WDR17: variants seen among roughly 807,000 people sequenced by gnomAD.
The protein encoded by WDR17 is WD repeat-containing protein 17.
In WDR17, 143 loss-of-function variants were observed where a neutral mutation model predicts 161.7. That is an observed-to-expected ratio of 0.88 (90% confidence interval 0.77 to 1.02). WDR17 has a LOEUF of 1.02. WDR17 is among the 50% of genes least tolerant of loss of function. The pLI, the probability that WDR17 is intolerant of heterozygous loss-of-function variation, is 0.00. For missense variants in WDR17, 1,469 were observed against 1,520.9 expected, an observed-to-expected ratio of 0.97 and a Z score of 0.57; for synonymous variants, 517 against 515.6, an observed-to-expected ratio of 1.00 and a Z score of -0.04.
At position 176,174,714 on chromosome 4, in the gene WDR17, A is replaced by G. The variant is rs1751206382; in HGVS notation, c.3445A>G (p.Thr1149Ala). 1 of 1,598,616 alleles carries G rather than the reference A, an allele frequency of 6.3e-7. No individual in the cohort carries two copies. Among genetic ancestry groups the G allele is most frequent in the Non-Finnish European group, 8.5e-7 (1 of 1,170,502 alleles). The change falls in exon 26 of 29, where the codon ACA (threonine) becomes GCA (alanine). Residue 1149 changes from threonine to alanine, a missense_variant. Transcript: ENST00000508596. ...CATTGTTCCAGCACTTTATGAGTAC[A>G]CAAGGTAAAAAAGGTTTTTTCCTCC... ...QSIVPALYEY[T>A]SQLLKRREVS...
At position 176,179,484 on chromosome 4, in the gene WDR17, G is replaced by A. The variant is rs146320284; in HGVS notation, c.3757G>A (p.Gly1253Arg). The change falls in exon 29 of 29, where the codon GGG becomes AGG. Residue 1253 changes from glycine (G) to arginine (R), a missense_variant. By Grantham distance (125) the Gly-to-Arg change is moderately radical. Coordinates refer to ENST00000508596, the MANE Select transcript of WDR17 (RefSeq NM_181265.4). ...GGGCCCTGTGTTTTTCCTTGAAGAC[G>A]GGAAATCTGCTATCTCCTTGAATGA... ...IQGPVFFLED[G>R]KSAISLNDAL... 100 of 1,599,314 alleles carry A rather than the reference G, an allele frequency of 6.3e-5. No homozygotes were observed. The highest frequency in any genetic ancestry group is 2.6e-4 in the South Asian group (23 of 88,804).
intron 1 of WDR17, among the ~76,000 whole-genome samples, chr4:176,067,058 C>T (rs1732622966): frequency 6.6e-6 from 1 of 152,018 alleles, no homozygotes; most frequent in African/African-American, 2.4e-5. Flanking sequence ...TTATCATTAC[C>T]CTGCTTGCCA....
At chr4:176,074,407 A>G (rs1001813708) in intron 1 of WDR17, among the ~76,000 whole-genome samples, 1 of 151,566 alleles carries the variant, frequency 6.6e-6, no homozygotes, top group Non-Finnish European at 1.5e-5. Context: ...GATATATACT[A>G]CACATATACA....
intron 1 of WDR17, among the ~76,000 whole-genome samples, chr4:176,069,795 C>G (rs991801185): frequency 6.6e-6 from 1 of 152,028 alleles, no homozygotes; most frequent in South Asian, 2.1e-4. Flanking sequence ...ACAAAGCACT[C>G]GTGTTTAACA....
At chr4:176,097,145 GA>G (rs1277735338) in intron 1 of WDR17, among the ~76,000 whole-genome samples, 2 of 151,772 alleles carry the variant, frequency 1.3e-5, no homozygotes, top group Non-Finnish European at 2.9e-5. Context: ...TACAATAATA[GA>G]AAAAAATGCT....
intron 22 of WDR17, among the ~76,000 whole-genome samples, chr4:176,168,368 A>C (rs112734004): frequency 3.4e-4 from 52 of 152,306 alleles, no homozygotes; most frequent in African/African-American, 1.2e-3. Flanking sequence ...AACATATTCA[A>C]AACTACTTAG....
Position 176,142,063 on chromosome 4 carries a change from A to G in WDR17, c.1523A>G (p.Asn508Ser). 6.2e-7 allele frequency: 1 copy of G among 1,609,104 alleles called. No homozygotes were observed. Among genetic ancestry groups the G allele is most frequent in the East Asian group, 2.2e-5 (1 of 44,744 alleles). The change falls in exon 11 of 29, where the codon AAC (asparagine) becomes AGC (serine). Residue 508 changes from asparagine (N) to serine (S), a missense_variant. Asn to Ser is a conservative substitution (Grantham distance 46). Coordinates refer to ENST00000508596, the MANE Select transcript of WDR17 (RefSeq NM_181265.4). ...AAVFGCDWSQNNKDMIATGCE... is the reference protein window; with the variant it reads ...AAVFGCDWSQSNKDMIATGCE... ...GTGTTTGGTTGTGATTGGAGCCAAA[A>G]CAATAAGTAAGTGGTTTTTTTTCCT...
intron 4 of WDR17, among the ~76,000 whole-genome samples, 171 bp downstream of exon 4, chr4:176,120,268 C>A (rs1436783694): frequency 1.4e-5 from 2 of 142,586 alleles, no homozygotes; most frequent in East Asian, 4.0e-4. Context: ...TGTACTGAGT[C>A]TAAATATTCA....
At chr4:176,122,105 C>G (rs1039853115) in intron 4 of WDR17, among the ~76,000 whole-genome samples, 1 of 152,186 alleles carries the variant, frequency 6.6e-6, no homozygotes, top group Non-Finnish European at 1.5e-5. Context: ...GAGGGCCATG[C>G]TCCCCCTGAA....
In WDR17 at chr4:176,167,660, A is replaced by AC. The variant is rs1219859922; in HGVS notation, c.2991-1012_2991-1011insC. On this transcript the variant is annotated intron_variant, in intron 22 of 28. Transcript: ENST00000508596. ...ACTCCGTCTCAAAAAAAAAAAAAAA[A>AC]AAAAAAAAAAAACAATATCTTGAAT... 4.2e-3 allele frequency among the ~76,000 whole-genome samples: 525 copies of AC among 126,052 alleles called. 23 individuals carry two copies. The highest frequency in any genetic ancestry group is 0.013 in the African/African-American group (483 of 36,466). The allele number at this position is 126,052 out of a possible 152,430, so 82.7% of individuals were successfully genotyped here.
intron 2 of WDR17, among the ~76,000 whole-genome samples, chr4:176,115,544 G>T (rs1740477990): frequency 6.6e-6 from 1 of 151,536 alleles, no homozygotes; most frequent in African/African-American, 2.4e-5. Context: ...ATTTAAATGT[G>T]AAACATTTAT....
intron 22 of WDR17, among the ~76,000 whole-genome samples, chr4:176,163,798 T>C (rs2126857605): frequency 6.6e-6 from 1 of 152,248 alleles, no homozygotes; most frequent in Admixed American, 6.5e-5. Flanking sequence ...AGCCCGGAAA[T>C]CCAGGGCAAA....
At chr4:176,075,398 C>T (rs1007290279) in intron 1 of WDR17, among the ~76,000 whole-genome samples, 1 of 151,936 alleles carries the variant, frequency 6.6e-6, no homozygotes, top group Non-Finnish European at 1.5e-5. Context: ...GCTCTAGTAC[C>T]TAGGAAAACA....
intron 17 of WDR17, among the ~76,000 whole-genome samples, chr4:176,154,948 C>A (rs1747828967): frequency 6.6e-6 from 1 of 152,016 alleles, no homozygotes; most frequent in African/African-American, 2.4e-5. Context: ...AAACAATGAG[C>A]TTCTTCAATA....
chr4:176,087,367 A>G (rs977146881), intron 1 of WDR17, among the ~76,000 whole-genome samples: 7 of 152,060 alleles, frequency 4.6e-5, no homozygotes, highest in Non-Finnish European at 1.0e-4. Context: ...ATTTCTTTGC[A>G]TTCTCACTTC....
At chr4:176,076,097 C>A (rs1401058274) in intron 1 of WDR17, among the ~76,000 whole-genome samples, 1 of 151,502 alleles carries the variant, frequency 6.6e-6, no homozygotes, top group African/African-American at 2.4e-5. Flanking sequence ...TCCACTTGTA[C>A]ATAATATTTT....
chr4:176,127,534 G>T, intron 5 of WDR17, among the ~76,000 whole-genome samples: 1 of 152,108 alleles, frequency 6.6e-6, no homozygotes, highest in East Asian at 1.9e-4. Context: ...AACCTCAAGT[G>T]ATCCACCTGC....
chr4:176,163,866 G>A (rs962757762), intron 22 of WDR17, among the ~76,000 whole-genome samples: 7 of 152,186 alleles, frequency 4.6e-5, no homozygotes, highest in South Asian at 2.1e-4. Context: ...CCATTATTAT[G>A]GAGGCTCTAT....
In WDR17 at chr4:176,182,256, T is replaced by C. The variant is rs1299796963; in HGVS notation, c.*2677T>C. ...AAAATATTTTGCCTGTAAAAGTTAG[T>C]AACTAGGTGGTTCACAAAATTACAA... On this transcript the variant is annotated 3_prime_UTR_variant, in exon 29 of 29. Coordinates refer to ENST00000508596, the MANE Select transcript of WDR17 (RefSeq NM_181265.4). The surrounding 1 kb of genome is among the most constrained non-coding windows in gnomAD (Gnocchi z 4.2). 6.6e-6 allele frequency: 1 copy of C among 152,000 alleles called. No homozygotes were observed. Among genetic ancestry groups the C allele is most frequent in the Non-Finnish European group, 1.5e-5 (1 of 67,920 alleles). 9.4% of individuals were successfully genotyped at this position (152,000 alleles called of 1,614,324 possible).
Sources: allele counts gnomAD v4.1 joint callset (sites outside exome capture counted in the v4.1 genomes callset), GRCh38; gene constraint gnomAD v4.1.1; non-coding constraint Gnocchi (gnomAD v3.1); transcripts MANE v1.5; gene names NCBI Gene and HGNC (gene_info 2026-07-23, HGNC 2026-07-21).